The following EXOC4 variants were observed in gnomAD, a reference collection of about 807,000 sequenced individuals.
EXOC4 encodes the protein exocyst complex component 4, also known as SEC8-like 1.
EXOC4 carries 71 observed loss-of-function variants against 107.2 expected under a neutral mutation model. That is an observed-to-expected ratio of 0.66 (90% CI 0.55 to 0.81). The LOEUF is 0.81. EXOC4 is among the 30% of genes least tolerant of loss of function. The probability of loss-of-function intolerance (pLI) is 0.00; values close to 1 mark genes in which losing one functional copy is unlikely to be tolerated. For synonymous variants in EXOC4, 456 were observed against 441.2 expected (o/e 1.03, Z -0.42); for missense variants, 1,108 against 1,189.6 (o/e 0.93, Z 1.01).
chr7:133,898,837 G>A (rs1030919599), intron 12 of EXOC4, among the ~76,000 whole-genome samples: 2 of 151,012 alleles, frequency 1.3e-5, no homozygotes, highest in Non-Finnish European at 3.0e-5. Context: ...AATTAGCCAG[G>A]TGTGGTGGTG....
intron 9 of EXOC4, among the ~76,000 whole-genome samples, chr7:133,537,211 C>T (rs1176444200): frequency 6.6e-6 from 1 of 151,382 alleles, no homozygotes. Context: ...AGTTCAGTGG[C>T]GTGATCTCGA....
chr7:133,307,143 G>C (rs985622155), intron 4 of EXOC4, among the ~76,000 whole-genome samples: 4 of 152,170 alleles, frequency 2.6e-5, no homozygotes, highest in African/African-American at 9.7e-5. Context: ...AGTCTTTCAA[G>C]TCTTATCCTG....
At chr7:134,004,427 A>G (rs777757894) in intron 15 of EXOC4, among the ~76,000 whole-genome samples, 1 of 152,186 alleles carries the variant, frequency 6.6e-6, no homozygotes, top group Admixed American at 6.5e-5. Context: ...GCCTAAAGTC[A>G]TACAGCTGGT....
At chr7:133,812,639 AAATT>A (rs1797261971) in intron 10 of EXOC4, among the ~76,000 whole-genome samples, 5 of 152,192 alleles carry the variant, frequency 3.3e-5, no homozygotes, top group Non-Finnish European at 7.3e-5. Context: ...TGAAAAATAG[AAATT>A]ATATTCATTT....
At chr7:133,437,328 A>G (rs1435964187) in intron 7 of EXOC4, among the ~76,000 whole-genome samples, 1 of 152,168 alleles carries the variant, frequency 6.6e-6, no homozygotes, top group Admixed American at 6.5e-5. Context: ...AAAAAAATGG[A>G]CTGTAAGCTC....
intron 7 of EXOC4, among the ~76,000 whole-genome samples, chr7:133,423,293 C>G (rs1026264699): frequency 1.3e-5 from 2 of 151,884 alleles, no homozygotes; most frequent in African/African-American, 2.4e-5. Context: ...AAATAAGTTT[C>G]TTTGTGAGAA....
chr7:133,329,533 A>T (rs1161002), intron 5 of EXOC4, among the ~76,000 whole-genome samples: 2 of 152,206 alleles, frequency 1.3e-5, no homozygotes, highest in Admixed American at 1.3e-4. Context: ...GCCATTTTGC[A>T]TTGGTTTCAC....
chr7:133,827,466 A>G (rs1306951316), intron 11 of EXOC4, among the ~76,000 whole-genome samples: 1 of 152,220 alleles, frequency 6.6e-6, no homozygotes, highest in Non-Finnish European at 1.5e-5. Context: ...AAAATTATTT[A>G]ACTATATTTA....
intron 10 of EXOC4, among the ~76,000 whole-genome samples, chr7:133,652,249 C>A (rs565123573): frequency 2.6e-5 from 4 of 152,250 alleles, no homozygotes; most frequent in South Asian, 2.1e-4. Context: ...ATTACTTTCA[C>A]ATGCAGCCTA....
chr7:133,315,094 C>T (rs1256808571), intron 4 of EXOC4: 1 of 152,608 alleles, frequency 6.6e-6, no homozygotes, highest in Non-Finnish European at 1.5e-5. Flanking sequence ...ACAATGAAAC[C>T]AAACTGGTGG....
intron 10 of EXOC4, among the ~76,000 whole-genome samples, chr7:133,804,716 T>G (rs1035677760): frequency 3.9e-5 from 6 of 152,342 alleles, no homozygotes; most frequent in Admixed American, 2.6e-4. Flanking sequence ...AATGTTCAGC[T>G]TAGGCCAGCT....
chr7:133,791,789 T>C (rs1422668650), intron 10 of EXOC4, among the ~76,000 whole-genome samples: 1 of 152,208 alleles, frequency 6.6e-6, no homozygotes, highest in African/African-American at 2.4e-5. Context: ...CCACAAACTA[T>C]GTTATTGAAA....
intron 7 of EXOC4, among the ~76,000 whole-genome samples, chr7:133,375,506 T>C (rs1018397213): frequency 5.3e-5 from 8 of 152,110 alleles, no homozygotes; most frequent in African/African-American, 1.9e-4. Context: ...CTTCTTTTTT[T>C]TTTGGCAGAC....
At chr7:133,734,091 A>G (rs891691552) in intron 10 of EXOC4, among the ~76,000 whole-genome samples, 1 of 152,224 alleles carries the variant, frequency 6.6e-6, no homozygotes, top group African/African-American at 2.4e-5. Context: ...GGATTTTTAT[A>G]CAAACCATTT....
intron 9 of EXOC4, among the ~76,000 whole-genome samples, chr7:133,626,049 A>G (rs1193512117): frequency 6.6e-6 from 1 of 152,190 alleles, no homozygotes. Context: ...TCTACTAAAA[A>G]TACAAAAATT....
Position 133,895,705 on chromosome 7 carries a change from A to G in EXOC4, c.1841A>G (p.Glu614Gly), listed in dbSNP as rs1447997230. ...AACATGGTGTGCGTGAAGCTCCAGG[A>G]GTACAAGGACACCTGCACTGCAGCT... Reference protein sequence around the residue: ...FLNMVCVKLQEYKDTCTAAYR... With the variant: ...FLNMVCVKLQGYKDTCTAAYR... Residue 614 changes from glutamate (E) to glycine (G), a missense_variant, in exon 12 of 18, where the codon GAG becomes GGG. Physicochemically the swap from Glu to Gly is moderately conservative, Grantham distance 98. Transcript: ENST00000253861. 6.2e-7 allele frequency: 1 copy of G among 1,614,156 alleles called. No homozygotes were observed. Among genetic ancestry groups the G allele is most frequent in the Non-Finnish European group, 8.5e-7 (1 of 1,180,002 alleles).
chr7:133,778,951 C>T (rs750134416), intron 10 of EXOC4, among the ~76,000 whole-genome samples: 25 of 152,258 alleles, frequency 1.6e-4, no homozygotes, highest in Non-Finnish European at 2.2e-4. Context: ...TTAATAGATA[C>T]GATATGATTT....
chr7:133,592,213 C>T (rs748964860), intron 9 of EXOC4, among the ~76,000 whole-genome samples: 9 of 152,146 alleles, frequency 5.9e-5, no homozygotes, highest in East Asian at 1.9e-4. Flanking sequence ...AGGTGTGTGC[C>T]GCCACATCCA....
At chr7:133,955,276 G>A (rs1452417606) in intron 14 of EXOC4, among the ~76,000 whole-genome samples, 1 of 152,222 alleles carries the variant, frequency 6.6e-6, no homozygotes, top group African/African-American at 2.4e-5. Context: ...CCTGCAGTGG[G>A]TAACTCCTTT....
Sources: gnomAD v4.1 joint callset for allele counts (sites outside exome capture counted in the v4.1 genomes callset) on GRCh38, gnomAD v4.1.1 for gene constraint, MANE v1.5 for transcripts, NCBI Gene and HGNC (gene_info 2026-07-23, HGNC 2026-07-21) for gene names.